PRKG1: variants seen among roughly 807,000 people sequenced by gnomAD.
The protein encoded by PRKG1 is protein kinase cGMP-dependent 1.
PRKG1 carries 35 observed loss-of-function variants against 88.1 expected under a neutral mutation model. The ratio of observed to expected loss-of-function variants is 0.40; its 90% CI spans 0.30 to 0.53. The LOEUF is 0.53. PRKG1 is among the 20% of genes least tolerant of loss of function. The pLI is 0.59. For synonymous variants in PRKG1, 303 were observed against 292.5 expected (o/e 1.04, Z -0.37); for missense variants, 540 against 839.8 (o/e 0.64, Z 4.41).
intron 7 of PRKG1, among the ~76,000 whole-genome samples, chr10:52,095,430 A>G (rs930300996): frequency 6.6e-6 from 1 of 151,938 alleles, no homozygotes; most frequent in African/African-American, 2.4e-5. Flanking sequence ...ATATTATGTA[A>G]TATGTTTATT....
chr10:51,169,282 A>T (rs1447364764), intron 2 of PRKG1, among the ~76,000 whole-genome samples: 1 of 152,182 alleles, frequency 6.6e-6, no homozygotes, highest in African/African-American at 2.4e-5. Context: ...CTCTCTGTGT[A>T]TATGTAAACC....
chr10:51,355,151 G>A (rs1419386741), intron 2 of PRKG1, among the ~76,000 whole-genome samples: 3 of 152,004 alleles, frequency 2.0e-5, no homozygotes, highest in Non-Finnish European at 4.4e-5. Flanking sequence ...TGCTTAACAT[G>A]GTACTTGGTG....
chr10:52,203,584 T>A (rs1839732547), intron 9 of PRKG1, among the ~76,000 whole-genome samples: 1 of 152,236 alleles, frequency 6.6e-6, no homozygotes. Flanking sequence ...GTTAGTTTTC[T>A]GCCTCAATGA....
At chr10:51,121,220 G>A (rs1403354221) in intron 1 of PRKG1, among the ~76,000 whole-genome samples, 1 of 152,098 alleles carries the variant, frequency 6.6e-6, no homozygotes, top group Non-Finnish European at 1.5e-5. Context: ...TACATCTGTA[G>A]GCCCCTTTTT....
At chr10:51,518,836 A>C (rs563357700) in intron 3 of PRKG1, among the ~76,000 whole-genome samples, 1 of 152,198 alleles carries the variant, frequency 6.6e-6, no homozygotes, top group Admixed American at 6.5e-5. Flanking sequence ...GCTGGTCAAG[A>C]ATGACTGGTT....
At chr10:51,852,228 T>TATAC (rs967267602) in intron 4 of PRKG1, among the ~76,000 whole-genome samples, 16 of 148,588 alleles carry the variant, frequency 1.1e-4, no homozygotes, top group African/African-American at 3.0e-4. Context: ...TATATATATA[T>TATAC]ACACACACAC....
chr10:51,961,916 A>G (rs114556993), intron 5 of PRKG1, among the ~76,000 whole-genome samples: 1,957 of 152,286 alleles, frequency 0.013, 31 homozygotes, highest in African/African-American at 0.043. Flanking sequence ...GTCAGGAAAG[A>G]CAAAATTGTT....
chr10:51,429,491 C>G (rs1283309571), intron 2 of PRKG1, among the ~76,000 whole-genome samples: 1 of 152,032 alleles, frequency 6.6e-6, no homozygotes, highest in African/African-American at 2.4e-5. Flanking sequence ...GAAACTGACT[C>G]TAAGGGTCCC....
chr10:51,181,070 G>A (rs77905434), intron 2 of PRKG1, among the ~76,000 whole-genome samples: 1 of 151,772 alleles, frequency 6.6e-6, no homozygotes, highest in Non-Finnish European at 1.5e-5. Context: ...CCTTGGATCA[G>A]GGAGAACCAT....
chr10:51,284,195 T>A (rs1294968644), intron 2 of PRKG1, among the ~76,000 whole-genome samples: 1 of 152,166 alleles, frequency 6.6e-6, no homozygotes, highest in Non-Finnish European at 1.5e-5. Flanking sequence ...GAAAAGTATA[T>A]GAAATAACAT....
chr10:51,480,122 A>C (rs557399880), intron 3 of PRKG1, among the ~76,000 whole-genome samples: 3 of 152,160 alleles, frequency 2.0e-5, no homozygotes, highest in Non-Finnish European at 4.4e-5. Flanking sequence ...TAAGGCATAT[A>C]AATTCATGGC....
intron 2 of PRKG1, among the ~76,000 whole-genome samples, chr10:51,395,686 G>A (rs1247725172): frequency 1.3e-5 from 2 of 152,316 alleles, no homozygotes; most frequent in African/African-American, 2.4e-5. Context: ...ATTTTTCAGC[G>A]TTGGAAGAGA....
At chr10:51,657,639 G>A (rs1840194689) in intron 3 of PRKG1, among the ~76,000 whole-genome samples, 1 of 152,130 alleles carries the variant, frequency 6.6e-6, no homozygotes, top group African/African-American at 2.4e-5. Context: ...TTCACCTTGA[G>A]AATTATGGCC....
At chr10:51,908,285 T>A (rs1268963199) in intron 5 of PRKG1, 7 of 152,212 alleles carry the variant, frequency 4.6e-5, no homozygotes, top group African/African-American at 1.4e-4. Flanking sequence ...GTAGGAAATT[T>A]CAAACTTTTT....
intron 5 of PRKG1, among the ~76,000 whole-genome samples, chr10:51,987,189 A>G (rs1488219919): frequency 6.6e-6 from 1 of 152,114 alleles, no homozygotes; most frequent in Non-Finnish European, 1.5e-5. Flanking sequence ...GTAAATATGT[A>G]AGTGGTTTGC....
chr10:51,205,461 C>T (rs1372474870), intron 2 of PRKG1, among the ~76,000 whole-genome samples: 3 of 151,076 alleles, frequency 2.0e-5, no homozygotes, highest in Non-Finnish European at 4.4e-5. Flanking sequence ...TTCATCTAGG[C>T]TTCATAGCAA....
At chr10:51,270,571 A>C (rs1298994732) in intron 2 of PRKG1, among the ~76,000 whole-genome samples, 1 of 152,184 alleles carries the variant, frequency 6.6e-6, no homozygotes, top group Non-Finnish European at 1.5e-5. Flanking sequence ...ATCACTCAAC[A>C]GATTGGAAAC....
chr10:51,044,002 G>A (rs1375357688), intron 1 of PRKG1, among the ~76,000 whole-genome samples: 1 of 152,154 alleles, frequency 6.6e-6, no homozygotes, highest in Non-Finnish European at 1.5e-5. Context: ...GAATCCTCAT[G>A]ATAACCCTAA....
chr10:52,122,218 G>T (rs61847264), intron 7 of PRKG1, among the ~76,000 whole-genome samples: 17,561 of 152,152 alleles, frequency 0.12, 1,266 homozygotes, highest in Non-Finnish European at 0.16. Context: ...GGAGCCAAAC[G>T]CACTTTTATT....
Sources: allele counts gnomAD v4.1 joint callset (sites outside exome capture counted in the v4.1 genomes callset), GRCh38; gene constraint gnomAD v4.1.1; transcripts MANE v1.5; gene names NCBI Gene and HGNC (gene_info 2026-07-23, HGNC 2026-07-21).